Variants in MAP4K4 observed in about 807,000 individuals in gnomAD.
MAP4K4 encodes the protein mitogen-activated protein kinase kinase kinase kinase 4.
In MAP4K4, 38 loss-of-function variants were observed where a neutral mutation model predicts 189.6. The ratio of observed to expected loss-of-function variants is 0.20; its 90% CI spans 0.15 to 0.26. The LOEUF is 0.26. Among genes scored for constraint, MAP4K4 ranks in the 10% least tolerant of loss-of-function variants. MAP4K4 has a pLI of 1.00. For missense variants in MAP4K4, 1,054 were observed against 1,726.9 expected (o/e 0.61, Z 6.91); for synonymous variants, 610 against 624.3 (o/e 0.98, Z 0.34).
chr2:101,715,945 A>G (rs2048135087), intron 2 of MAP4K4, among the ~76,000 whole-genome samples: 1 of 152,140 alleles, frequency 6.6e-6, no homozygotes, highest in South Asian at 2.1e-4. Flanking sequence ...CATGAACCCC[A>G]TTGTGAACTG....
chr2:101,698,105 A>G, exon 1 of MAP4K4: 1 of 1,298,994 alleles, frequency 7.7e-7, no homozygotes, highest in South Asian at 1.3e-5. Flanking sequence ...CCCTGCAAAA[A>G]GTCTGGTGGA....
At chr2:101,858,546 T>C (rs6741268) in intron 13 of MAP4K4, among the ~76,000 whole-genome samples, 13,994 of 152,220 alleles carry the variant, frequency 0.092, 1,825 homozygotes, top group African/African-American at 0.29. Context: ...TATTTTATTA[T>C]TAAGCAGGTT....
At chr2:101,877,699 T>C (rs1178610644) in intron 27 of MAP4K4, among the ~76,000 whole-genome samples, 1 of 152,140 alleles carries the variant, frequency 6.6e-6, no homozygotes, top group African/African-American at 2.4e-5. Flanking sequence ...TATTGTATTA[T>C]GGTTTTTATT....
chr2:101,776,583 C>A (rs968212020), intron 2 of MAP4K4, among the ~76,000 whole-genome samples: 1 of 113,668 alleles, frequency 8.8e-6, no homozygotes, highest in Non-Finnish European at 1.8e-5. Flanking sequence ...CCCCCCCACC[C>A]CCCCAAAAAA....
At chr2:101,780,245 A>C (rs1218238684) in intron 2 of MAP4K4, among the ~76,000 whole-genome samples, 1 of 152,202 alleles carries the variant, frequency 6.6e-6, no homozygotes, top group African/African-American at 2.4e-5. Flanking sequence ...CCAGAATGGA[A>C]TCTGAATCCC....
At chr2:101,788,965 T>TA (rs1391473409) in intron 2 of MAP4K4, among the ~76,000 whole-genome samples, 2 of 152,202 alleles carry the variant, frequency 1.3e-5, no homozygotes, top group South Asian at 2.1e-4. Context: ...TCTTAGGTGT[T>TA]ACCCTATCAG....
intron 6 of MAP4K4, among the ~76,000 whole-genome samples, chr2:101,830,465 A>T (rs72991218): frequency 1.1e-3 from 168 of 152,284 alleles, no homozygotes; most frequent in African/African-American, 3.8e-3. Flanking sequence ...AGTTTGTATT[A>T]ATTTTTCTTC....
intron 23 of MAP4K4, 143 bp downstream of exon 23, chr2:101,870,558 G>A (rs2097960408): frequency 3.4e-6 from 4 of 1,176,894 alleles, no homozygotes; most frequent in Admixed American, 4.9e-5. Flanking sequence ...TCGAGTGTCG[G>A]GGGCTAGGGA....
intron 2 of MAP4K4, among the ~76,000 whole-genome samples, chr2:101,753,443 G>A (rs1195635840): frequency 6.6e-6 from 1 of 152,168 alleles, no homozygotes; most frequent in Non-Finnish European, 1.5e-5. Context: ...CAGGCAAGAG[G>A]CTGTGGAAAT....
At chr2:101,753,917 A>G (rs1287498660) in intron 2 of MAP4K4, among the ~76,000 whole-genome samples, 1 of 152,088 alleles carries the variant, frequency 6.6e-6, no homozygotes, top group Non-Finnish European at 1.5e-5. Context: ...AAAGTTCAAC[A>G]CCCACCATGG....
At chr2:101,872,046 T>C (rs564294562) in intron 24 of MAP4K4, among the ~76,000 whole-genome samples, 2 of 152,230 alleles carry the variant, frequency 1.3e-5, no homozygotes, top group Non-Finnish European at 2.9e-5. Flanking sequence ...AATCTGCCTT[T>C]TTCATTCTTT....
chr2:101,834,967 T>C (rs1034506034), intron 8 of MAP4K4, among the ~76,000 whole-genome samples: 5 of 152,192 alleles, frequency 3.3e-5, no homozygotes, highest in African/African-American at 1.2e-4. Flanking sequence ...TGAGGTAGAA[T>C]TGCAGAGAAC....
chr2:101,848,276 CA>C (rs936165594), intron 12 of MAP4K4, among the ~76,000 whole-genome samples: 24 of 152,120 alleles, frequency 1.6e-4, no homozygotes, highest in African/African-American at 5.5e-4. Flanking sequence ...GAATAATGAC[CA>C]AAAAAGTCTG....
At chr2:101,721,076 T>C (rs2051603935) in intron 2 of MAP4K4, among the ~76,000 whole-genome samples, 1 of 152,214 alleles carries the variant, frequency 6.6e-6, no homozygotes, top group South Asian at 2.1e-4. Flanking sequence ...TATTTGAAAG[T>C]AGAGAAAAAA....
At chr2:101,859,957 A>T in intron 15 of MAP4K4, 93 bp downstream of exon 15, 1 of 1,236,880 alleles carries the variant, frequency 8.1e-7, no homozygotes, top group Non-Finnish European at 1.2e-6. Context: ...AACGGGCCAT[A>T]GAGTTTAGCT....
chr2:101,850,400 T>A (rs191042571), intron 12 of MAP4K4, among the ~76,000 whole-genome samples: 261 of 152,324 alleles, frequency 1.7e-3, no homozygotes, highest in Non-Finnish European at 2.9e-3. Flanking sequence ...ATGCATGCAT[T>A]ATGTGTTTCT....
In MAP4K4 at chr2:101,861,069, T is replaced by C. The variant is rs900458609; in HGVS notation, c.1866+83T>C. ...GCAGGCCTGCTGTAATATCACAGTTTAGTTTGTCACCACACTGAAAAAGAG... is the reference window on the plus strand; with the variant it reads ...GCAGGCCTGCTGTAATATCACAGTTCAGTTTGTCACCACACTGAAAAAGAG... On this transcript the variant is annotated intron_variant, in intron 16 of 32. Transcript: ENST00000324219. The C allele has an allele frequency of 5.4e-6, 7 of 1,297,546 alleles. No homozygotes were observed. In the Admixed American group the frequency reaches 7.7e-5, roughly 14 times the overall value. 80.4% of individuals were successfully genotyped at this position (1,297,546 alleles called of 1,614,324 possible).
At chr2:101,767,474 C>G (rs2079115041) in intron 2 of MAP4K4, among the ~76,000 whole-genome samples, 1 of 152,188 alleles carries the variant, frequency 6.6e-6, no homozygotes, top group Non-Finnish European at 1.5e-5. Flanking sequence ...CTTTTGAACA[C>G]AAAGACTCTT....
intron 3 of MAP4K4, among the ~76,000 whole-genome samples, chr2:101,821,407 A>G (rs1164862899): frequency 6.6e-6 from 1 of 152,204 alleles, no homozygotes; most frequent in Admixed American, 6.6e-5. Context: ...CACATGGGCT[A>G]TCTGGTATGG....
Sources: gnomAD v4.1 joint callset for allele counts (sites outside exome capture counted in the v4.1 genomes callset) on GRCh38, gnomAD v4.1.1 for gene constraint, MANE v1.5 for transcripts, NCBI Gene and HGNC (gene_info 2026-07-23, HGNC 2026-07-21) for gene names.